Variants in CLIP2 observed in about 807,000 individuals in gnomAD.
CLIP2 encodes CAP-Gly domain containing linker protein 2, also known as CAP-Gly domain-containing linker protein 2.
CLIP2 carries 41 observed loss-of-function variants against 111.7 expected under a neutral mutation model. The ratio of observed to expected loss-of-function variants is 0.37; its 90% CI spans 0.29 to 0.48. The LOEUF is 0.48. Among genes scored for constraint, CLIP2 ranks in the 20% least tolerant of loss-of-function variants. The probability of loss-of-function intolerance (pLI) is 0.99; values close to 1 mark genes in which losing one functional copy is unlikely to be tolerated. For missense variants in CLIP2, 1,160 were observed against 1,422.1 expected (o/e 0.82, Z 2.96); for synonymous variants, 660 against 644.2 (o/e 1.02, Z -0.37).
At chr7:74,366,929 T>C (rs1790483343) in intron 8 of CLIP2, among the ~76,000 whole-genome samples, 1 of 150,950 alleles carries the variant, frequency 6.6e-6, no homozygotes. Context: ...GGAGAATCTA[T>C]TCCAATCTAG....
intron 2 of CLIP2, among the ~76,000 whole-genome samples, chr7:74,337,417 G>GGTCTC (rs1240978049): frequency 6.6e-6 from 1 of 152,012 alleles, no homozygotes; most frequent in Non-Finnish European, 1.5e-5. Context: ...CGAGGATGGG[G>GGTCTC]GTCTCGGAGA....
At chr7:74,299,577 G>A (rs1446235254) in intron 1 of CLIP2, among the ~76,000 whole-genome samples, 4 of 152,166 alleles carry the variant, frequency 2.6e-5, no homozygotes, top group Non-Finnish European at 4.4e-5. Context: ...GGCTGGGGCC[G>A]CTTATGCCAC....
chr7:74,391,481 G>A (rs1171870148), intron 13 of CLIP2, among the ~76,000 whole-genome samples: 1 of 152,130 alleles, frequency 6.6e-6, no homozygotes, highest in East Asian at 1.9e-4. Context: ...GACATGGTTT[G>A]TGTGGTCCCT....
At position 74,400,452 on chromosome 7, in the gene CLIP2, A is replaced by G; in HGVS notation, c.2963A>G (p.His988Arg). 1 of 1,614,064 alleles carries G rather than the reference A, an allele frequency of 6.2e-7. No homozygotes were observed. The highest frequency in any genetic ancestry group is 8.5e-7 in the Non-Finnish European group (1 of 1,179,936). ...SSAPELLRLQ[H>R]QLMSTEDALR... ...GCGCCCGAGCTTCTGCGGCTGCAGC[A>G]CCAGCTGATGAGCACGGAGGACGCC... is the stretch of plus-strand genomic sequence containing the variant. The change falls in exon 15 of 17, where the codon CAC (histidine) becomes CGC (arginine). Residue 988 changes from histidine to arginine, a missense_variant. Around this residue, in one of 5 missense-constraint regions of CLIP2, gnomAD observed 676 missense variants for 777.8 expected, o/e 0.87. Coordinates refer to ENST00000223398, the MANE Select transcript of CLIP2 (RefSeq NM_003388.5).
At chr7:74,401,887 A>G (rs4717137) in intron 16 of CLIP2, among the ~76,000 whole-genome samples, 109,753 of 151,824 alleles carry the variant, frequency 0.72, 40,071 homozygotes, top group African/African-American at 0.84. Context: ...CCAATATGGT[A>G]AAACTCCGTC....
intron 2 of CLIP2, among the ~76,000 whole-genome samples, chr7:74,321,117 A>G (rs1788939840): frequency 6.6e-6 from 1 of 152,114 alleles, no homozygotes; most frequent in Non-Finnish European, 1.5e-5. Context: ...CACAAATGGG[A>G]TAATAGCATC....
intron 1 of CLIP2, among the ~76,000 whole-genome samples, chr7:74,314,948 G>C (rs145837266): frequency 2.5e-3 from 377 of 152,234 alleles, no homozygotes; most frequent in African/African-American, 8.5e-3. Context: ...GTAAAGCGCT[G>C]GTGCTCCTAT....
At chr7:74,394,078 T>C (rs1375608856) in intron 13 of CLIP2, among the ~76,000 whole-genome samples, 3 of 152,028 alleles carry the variant, frequency 2.0e-5, no homozygotes, top group African/African-American at 7.2e-5. Context: ...TGGGTCTTTA[T>C]CCATTGTCTC....
chr7:74,340,500 A>C (rs964458139), intron 3 of CLIP2, among the ~76,000 whole-genome samples: 1 of 152,184 alleles, frequency 6.6e-6, no homozygotes, highest in Non-Finnish European at 1.5e-5. Context: ...GTGTTATTGA[A>C]GTTGAGAGAA....
At chr7:74,399,273 C>T (rs1473236166) in intron 14 of CLIP2, among the ~76,000 whole-genome samples, 2 of 152,060 alleles carry the variant, frequency 1.3e-5, no homozygotes, top group East Asian at 1.9e-4. Flanking sequence ...TGCGGTGGCT[C>T]ATGCCTATAA....
intron 8 of CLIP2, among the ~76,000 whole-genome samples, chr7:74,369,651 G>A (rs1170306773): frequency 6.6e-6 from 1 of 151,714 alleles, no homozygotes; most frequent in East Asian, 1.9e-4. Context: ...GAGGTCAGGA[G>A]CTCCAAACCA....
In CLIP2 at chr7:74,349,800, A is replaced by T. The variant is rs151334601; in HGVS notation, c.679-4080A>T. Among the ~76,000 whole-genome samples, 1,271 of 151,018 alleles carry T rather than the reference A, an allele frequency of 8.4e-3. 9 individuals carry two copies. Among genetic ancestry groups the T allele is most frequent in the Non-Finnish European group, 0.013 (862 of 67,734 alleles). On this transcript the variant is annotated intron_variant, in intron 3 of 16. Transcript: ENST00000223398. ...CGCTAATTTTTCGTATTTTTAGTAA[A>T]AATAGGGTTGCACCATGTTGGCCAG...
chr7:74,348,253 A>G (rs1261981306), intron 3 of CLIP2, among the ~76,000 whole-genome samples: 5 of 152,106 alleles, frequency 3.3e-5, no homozygotes, highest in Non-Finnish European at 1.5e-5. Context: ...AGGAGGGGAG[A>G]AAATCAAATA....
intron 1 of CLIP2, among the ~76,000 whole-genome samples, chr7:74,310,970 C>A (rs1554728426): frequency 7.1e-6 from 1 of 141,768 alleles, no homozygotes; most frequent in Non-Finnish European, 1.5e-5. Flanking sequence ...CTGCCTCGAG[C>A]TCCTATTTTT....
In CLIP2 at chr7:74,404,002, C is replaced by A; in HGVS notation, c.*154C>A. ...ACTCACCGCCGCGGACAATCCCCCA[C>A]CCCGATCCCTCGCCAGACCAGGACG... On this transcript the variant is annotated 3_prime_UTR_variant, in exon 17 of 17. Transcript: ENST00000223398. 1.2e-6 allele frequency: 1 copy of A among 817,072 alleles called. No individual in the cohort carries two copies. 50.6% of individuals were successfully genotyped at this position (817,072 alleles called of 1,614,324 possible).
At position 74,290,678 on chromosome 7, in the gene CLIP2, G is replaced by C. The variant is rs538665583; in HGVS notation, c.-68+944G>C. On this transcript the variant is annotated intron_variant, in intron 1 of 16. Coordinates refer to ENST00000223398, the MANE Select transcript of CLIP2 (RefSeq NM_003388.5). The stretch of plus-strand genomic sequence containing the variant: ...CTGCCGTCACTCTTGCGCGATGCCT[G>C]AGGGAGGTGGGTGGGGTGGCCTAGG... Among the ~76,000 whole-genome samples the C allele has an allele frequency of 8.5e-5, 13 of 152,340 alleles. No individual in the cohort carries two copies. The East Asian group carries it at 1.7e-3, about 20-fold the overall frequency.
intron 8 of CLIP2, 92 bp from the exon 9 acceptor site, chr7:74,372,840 C>T: frequency 1.5e-6 from 1 of 671,942 alleles, no homozygotes; most frequent in South Asian, 1.6e-5. Flanking sequence ...CTCTCTCTCT[C>T]TTTCTCTCTC....
chr7:74,300,360 C>G (rs1554726653), intron 1 of CLIP2, among the ~76,000 whole-genome samples: 1 of 152,092 alleles, frequency 6.6e-6, no homozygotes, highest in African/African-American at 2.4e-5. Flanking sequence ...TGTTTAGCTC[C>G]CACTTAGAAG....
At chr7:74,375,812 C>T in intron 9 of CLIP2, 75 bp from the exon 10 acceptor site, 1 of 1,292,288 alleles carries the variant, frequency 7.7e-7, no homozygotes, top group Non-Finnish European at 1.0e-6. Flanking sequence ...CCTACCCGGC[C>T]CCCACCATTG....
Sources: allele counts gnomAD v4.1 joint callset (sites outside exome capture counted in the v4.1 genomes callset), GRCh38; gene constraint gnomAD v4.1.1; regional missense constraint gnomAD v4.1.1; transcripts MANE v1.5; gene names NCBI Gene and HGNC (gene_info 2026-07-23, HGNC 2026-07-21).